Variants in ZC3HAV1 observed in about 807,000 individuals in gnomAD.
The protein encoded by ZC3HAV1 is zinc finger CCCH-type antiviral protein 1.
In ZC3HAV1, 41 loss-of-function variants were observed where a neutral mutation model predicts 86.6. That is an observed-to-expected ratio of 0.47 (90% confidence interval 0.37 to 0.61). The LOEUF (loss-of-function observed/expected upper bound fraction) is 0.61. Among genes scored for constraint, ZC3HAV1 ranks in the 20% least tolerant of loss-of-function variants. The probability of loss-of-function intolerance (pLI) is 0.00; values close to 1 mark genes in which losing one functional copy is unlikely to be tolerated. For synonymous variants in ZC3HAV1, 421 were observed against 432.1 expected (o/e 0.97, Z 0.32); for missense variants, 964 against 1,141.1 (o/e 0.84, Z 2.24).
intron 7 of ZC3HAV1, among the ~76,000 whole-genome samples, chr7:139,070,859 G>A (rs1816754278): frequency 6.6e-6 from 1 of 151,814 alleles, no homozygotes; most frequent in East Asian, 2.0e-4. Context: ...GTGGATGCCT[G>A]TAATCCCAGC....
At chr7:139,048,194 T>C (rs1307599582) in intron 12 of ZC3HAV1, among the ~76,000 whole-genome samples, 1 of 152,214 alleles carries the variant, frequency 6.6e-6, no homozygotes, top group Non-Finnish European at 1.5e-5. Context: ...TTGGAACTGA[T>C]GAGTCAGTTG....
chr7:139,051,905 T>C (rs761303758), intron 12 of ZC3HAV1, among the ~76,000 whole-genome samples: 14 of 152,162 alleles, frequency 9.2e-5, no homozygotes, highest in Admixed American at 4.6e-4. Flanking sequence ...GTTGTATGAG[T>C]TGAACTCACT....
At chr7:139,070,450 G>T (rs1344756775) in intron 7 of ZC3HAV1, among the ~76,000 whole-genome samples, 1 of 151,068 alleles carries the variant, frequency 6.6e-6, no homozygotes, top group Non-Finnish European at 1.5e-5. Context: ...AGATCACGAG[G>T]TCAGGAGATC....
chr7:139,060,462 A>G, intron 9 of ZC3HAV1: 1 of 991,038 alleles, frequency 1.0e-6, no homozygotes, highest in Non-Finnish European at 1.2e-6. Context: ...CCTTGCTCTA[A>G]CAGCTAGCTC....
chr7:139,097,428 A>ATATATATATATTTT, intron 1 of ZC3HAV1, among the ~76,000 whole-genome samples: 1 of 48,160 alleles, frequency 2.1e-5, no homozygotes, highest in Non-Finnish European at 3.3e-5. Context: ...ATATATATAT[A>ATATATATATATTTT]TTTTTTTTTT....
chr7:139,083,792 G>A lies in ZC3HAV1; in HGVS notation c.685C>T (p.Pro229Ser), dbSNP rs1205546184. 4 of 1,611,842 alleles carry A rather than the reference G, an allele frequency of 2.5e-6. No homozygotes were observed. The highest frequency in any genetic ancestry group is 3.3e-4 in the Middle Eastern group (2 of 6,056). The change falls in exon 3 of 13, where the codon CCA becomes TCA. Residue 229 changes from proline to serine, a missense_variant. Transcript: ENST00000242351. Reference sequence around the variant, plus strand: ...AAAAGGCCTTTACCTCTGGGCCCTGGGGGATTCTTCTGCATGTGCTTGCTG... The same window carrying A: ...AAAAGGCCTTTACCTCTGGGCCCTGAGGGATTCTTCTGCATGTGCTTGCTG... ...CNSKHMQKNP[P>S]GPRAPSSHRR...
chr7:139,059,486 A>G (rs1011440586), intron 9 of ZC3HAV1, among the ~76,000 whole-genome samples: 1 of 151,952 alleles, frequency 6.6e-6, no homozygotes, highest in African/African-American at 2.4e-5. Flanking sequence ...GCATAGTGCC[A>G]TGTGCCTGTA....
At position 139,064,934 on chromosome 7, in the gene ZC3HAV1, C is replaced by T. The variant is rs768151536; in HGVS notation, c.1938G>A (p.Pro646=). The T allele has an allele frequency of 3.7e-6, 6 of 1,614,174 alleles. No individual in the cohort carries two copies. Among genetic ancestry groups the T allele is most frequent in the South Asian group, 1.1e-5 (1 of 91,076 alleles). Residue 646 remains proline, a synonymous_variant, in exon 8 of 13, where the codon CCG becomes CCA. Transcript: ENST00000242351. The part of the protein sequence containing the change: ...SYLESLYQSC[P]RGVVPFQAGS... ...CCGCCTGAAATGGCACAACTCCCCTCGGACAGGATTGATAGAGAGACTCCA... is the reference window on the plus strand; with the variant it reads ...CCGCCTGAAATGGCACAACTCCCCTTGGACAGGATTGATAGAGAGACTCCA...
Position 139,079,533 on chromosome 7 carries a change from G to C in ZC3HAV1, c.1408C>G (p.Arg470Gly), listed in dbSNP as rs1249645814. The change falls in exon 4 of 13, where the codon CGA becomes GGA. Residue 470 changes from arginine to glycine, a missense_variant. Physicochemically the swap from Arg to Gly is moderately radical, Grantham distance 125 (BLOSUM62 -2). Transcript: ENST00000242351. Reference sequence around the variant, plus strand: ...ATTCTGCCAGTGGCCTGGACATCTCGGGAAGCAGGTCCAGCATCCTGAATC... The same window carrying C: ...ATTCTGCCAGTGGCCTGGACATCTCCGGAAGCAGGTCCAGCATCCTGAATC... ...PRIQDAGPASRDVQATGRIAD... is the reference protein window; with the variant it reads ...PRIQDAGPASGDVQATGRIAD... 2 of 1,614,050 alleles carry C rather than the reference G, an allele frequency of 1.2e-6. No homozygotes were observed. The highest frequency in any genetic ancestry group is 3.3e-5 in the Admixed American group (2 of 59,994).
chr7:139,061,196 C>G, intron 8 of ZC3HAV1, 58 bp from the exon 9 acceptor site: 1 of 1,545,926 alleles, frequency 6.5e-7, no homozygotes, highest in Non-Finnish European at 8.8e-7. Flanking sequence ...TAGAAAATGA[C>G]TTCTTGTTAT....
At position 139,047,641 on chromosome 7, in the gene ZC3HAV1, G is replaced by T. The variant is rs1187489292; in HGVS notation, c.2662C>A (p.Gln888Lys). Residue 888 changes from glutamine to lysine, a missense_variant, in exon 13 of 13, where the codon CAA becomes AAA. Coordinates refer to ENST00000242351, the MANE Select transcript of ZC3HAV1 (RefSeq NM_020119.4). Reference protein sequence around the residue: ...VIFQKDQVYPQYVIEYTEDKA... With the variant: ...VIFQKDQVYPKYVIEYTEDKA... ...TCTTCAGTATATTCAATCACATATTGTGGGTAAACCTGATCTTTCTGAAAG... is the reference window on the plus strand; with the variant it reads ...TCTTCAGTATATTCAATCACATATTTTGGGTAAACCTGATCTTTCTGAAAG... The T allele has an allele frequency of 6.2e-7, 1 of 1,614,086 alleles. No individual in the cohort carries two copies. Among genetic ancestry groups the T allele is most frequent in the Admixed American group, 1.7e-5 (1 of 60,000 alleles).
At chr7:139,107,070 T>C (rs1276566555) in intron 1 of ZC3HAV1, among the ~76,000 whole-genome samples, 1 of 152,178 alleles carries the variant, frequency 6.6e-6, no homozygotes, top group Admixed American at 6.5e-5. Flanking sequence ...GTGAAGAATT[T>C]GTCATAATAG....
chr7:139,097,420 A>ATTTT (rs1563140627), intron 1 of ZC3HAV1, among the ~76,000 whole-genome samples: 7 of 79,166 alleles, frequency 8.8e-5, no homozygotes, highest in African/African-American at 2.3e-4. Context: ...ATATATATAT[A>ATTTT]TATATATATT....
At chr7:139,103,411 A>T (rs1172402026) in intron 1 of ZC3HAV1, among the ~76,000 whole-genome samples, 3 of 151,648 alleles carry the variant, frequency 2.0e-5, no homozygotes, top group East Asian at 1.9e-4. Context: ...CAGGAAAAAA[A>T]TTTTTTTTGA....
At chr7:139,094,424 G>A (rs1364610800) in intron 1 of ZC3HAV1, among the ~76,000 whole-genome samples, 2 of 151,222 alleles carry the variant, frequency 1.3e-5, no homozygotes, top group African/African-American at 4.9e-5. Flanking sequence ...ACAAGCGTTT[G>A]CAGAATGCTA....
chr7:139,065,141 G>A, intron 7 of ZC3HAV1, 142 bp from the exon 8 acceptor site: 1 of 1,115,514 alleles, frequency 9.0e-7, no homozygotes, highest in South Asian at 1.6e-5. Context: ...TCCAGCTCAG[G>A]GCTATGTCAC....
Position 139,079,741 on chromosome 7 carries a change from T to G in ZC3HAV1, c.1200A>C (p.Arg400Ser). The G allele has an allele frequency of 6.2e-7, 1 of 1,614,202 alleles. No individual in the cohort carries two copies. The highest frequency in any genetic ancestry group is 1.6e-4 in the Middle Eastern group (1 of 6,062). Residue 400 changes from arginine (R) to serine (S), a missense_variant, in exon 4 of 13, where the codon AGA (arginine) becomes AGC (serine). Coordinates refer to ENST00000242351, the MANE Select transcript of ZC3HAV1 (RefSeq NM_020119.4). Reference protein sequence around the residue: ...SLQTPEAVTTRKGTGLLSSDY... With the variant: ...SLQTPEAVTTSKGTGLLSSDY... ...CTGAGGAAAGCAAGCCTGTGCCCTT[T>G]CTGGTGGTCACAGCTTCAGGTGTTT...
chr7:139,085,928 TG>T (rs1435356012), intron 2 of ZC3HAV1, among the ~76,000 whole-genome samples: 8 of 151,952 alleles, frequency 5.3e-5, no homozygotes, highest in Non-Finnish European at 1.0e-4. Context: ...GCAGGAGAAT[TG>T]CTTGAACCCG....
intron 11 of ZC3HAV1, 50 bp downstream of exon 11, chr7:139,053,915 C>T: frequency 6.4e-7 from 1 of 1,561,140 alleles, no homozygotes; most frequent in South Asian, 1.2e-5. Flanking sequence ...CGGATATTAA[C>T]TAATCCTTTC....
Sources: gnomAD v4.1 joint callset for allele counts (sites outside exome capture counted in the v4.1 genomes callset) on GRCh38, gnomAD v4.1.1 for gene constraint, MANE v1.5 for transcripts, NCBI Gene and HGNC (gene_info 2026-07-23, HGNC 2026-07-21) for gene names.